The following DCLK1 variants were observed in gnomAD, a reference collection of about 807,000 sequenced individuals.
DCLK1 encodes the protein serine/threonine-protein kinase DCLK1.
A neutral mutation model predicts 86.2 loss-of-function variants in DCLK1; 16 were observed. The observed-to-expected ratio is 0.19, with a 90% CI of 0.13 to 0.28. DCLK1 has a LOEUF of 0.28. Ranked by LOEUF, DCLK1 falls within the 10% of genes least tolerant of loss-of-function variation. The pLI, the probability that DCLK1 is intolerant of heterozygous loss-of-function variation, is 1.00. For missense variants in DCLK1, 590 were observed against 940.2 expected, an observed-to-expected ratio of 0.63 and a Z score of 4.87; for synonymous variants, 369 against 370.5, an observed-to-expected ratio of 1.00 and a Z score of 0.05.
At chr13:35,795,679 G>T (rs1302123845) in intron 15 of DCLK1, among the ~76,000 whole-genome samples, 1 of 152,132 alleles carries the variant, frequency 6.6e-6, no homozygotes, top group Non-Finnish European at 1.5e-5. Flanking sequence ...TCAGCACTTT[G>T]GGAGGCCGAG....
intron 4 of DCLK1, among the ~76,000 whole-genome samples, chr13:35,893,690 G>A (rs536009567): frequency 6.6e-6 from 1 of 152,330 alleles, no homozygotes; most frequent in Admixed American, 6.5e-5. Context: ...GGAGACTAAA[G>A]CCTGCACTGT....
chr13:35,921,692 T>C (rs960402581), intron 4 of DCLK1, among the ~76,000 whole-genome samples: 8 of 152,042 alleles, frequency 5.3e-5, no homozygotes, highest in Non-Finnish European at 1.0e-4. Context: ...AAATGAAAAT[T>C]TGTTGACTGA....
intron 3 of DCLK1, among the ~76,000 whole-genome samples, chr13:35,982,437 AGGGAGGGAGGGAGGGAGG>A (rs1566631759): frequency 4.1e-4 from 10 of 24,674 alleles, no homozygotes; most frequent in East Asian, 1.3e-3. Flanking sequence ...AGAGAGGGGG[AGGGAGGGAGGGAGGGAGG>A]GAGGGAGGGA....
intron 3 of DCLK1, among the ~76,000 whole-genome samples, chr13:36,068,204 T>C (rs933177919): frequency 6.6e-6 from 1 of 152,242 alleles, no homozygotes; most frequent in African/African-American, 2.4e-5. Flanking sequence ...GTTCCTATTA[T>C]TCTGGCAGTA....
At chr13:36,087,106 T>C (rs1884635411) in intron 3 of DCLK1, among the ~76,000 whole-genome samples, 1 of 152,208 alleles carries the variant, frequency 6.6e-6, no homozygotes, top group African/African-American at 2.4e-5. Flanking sequence ...AAGCTATTTC[T>C]CCACATCCTC....
intron 11 of DCLK1, among the ~76,000 whole-genome samples, chr13:35,815,090 G>C (rs2087238804): frequency 6.6e-6 from 1 of 152,134 alleles, no homozygotes; most frequent in Admixed American, 6.5e-5. Context: ...TGTAGATTTT[G>C]GGGCACACTG....
At chr13:36,034,047 A>G (rs1882393725) in intron 3 of DCLK1, among the ~76,000 whole-genome samples, 1 of 152,206 alleles carries the variant, frequency 6.6e-6, no homozygotes, top group South Asian at 2.1e-4. Flanking sequence ...CCATAGAAAA[A>G]GCAGGAGCCA....
intron 3 of DCLK1, among the ~76,000 whole-genome samples, chr13:36,021,682 T>A (rs1324165021): frequency 1.3e-5 from 2 of 151,888 alleles, no homozygotes; most frequent in East Asian, 3.9e-4. Flanking sequence ...AAAGGGTCAA[T>A]CCATCAAGAA....
At chr13:36,014,320 G>A (rs1339661810) in intron 3 of DCLK1, among the ~76,000 whole-genome samples, 1 of 152,176 alleles carries the variant, frequency 6.6e-6, no homozygotes, top group Non-Finnish European at 1.5e-5. Flanking sequence ...TCTTGCCATT[G>A]GAAATGCTGG....
intron 4 of DCLK1, among the ~76,000 whole-genome samples, chr13:35,933,575 A>T (rs995843816): frequency 6.6e-6 from 1 of 152,194 alleles, no homozygotes; most frequent in Non-Finnish European, 1.5e-5. Context: ...GCTCAACACC[A>T]TGTGGAAGCT....
chr13:35,914,206 C>T (rs1458560100), intron 4 of DCLK1, among the ~76,000 whole-genome samples: 3 of 151,374 alleles, frequency 2.0e-5, no homozygotes, highest in African/African-American at 7.3e-5. Flanking sequence ...ATAGTCCCAG[C>T]TACTCGAGAG....
chr13:35,813,006 G>GA (rs1204331976), intron 11 of DCLK1, among the ~76,000 whole-genome samples: 1 of 152,166 alleles, frequency 6.6e-6, no homozygotes, highest in Non-Finnish European at 1.5e-5. Flanking sequence ...TTAGGCAAAA[G>GA]AAAACCCTAA....
chr13:36,062,182 T>A (rs1448217296), intron 3 of DCLK1, among the ~76,000 whole-genome samples: 3 of 152,222 alleles, frequency 2.0e-5, no homozygotes, highest in Admixed American at 2.0e-4. Flanking sequence ...GTGGCTTTGA[T>A]GTTCAAGAAA....
At chr13:36,041,536 A>G (rs1213864843) in intron 3 of DCLK1, among the ~76,000 whole-genome samples, 1 of 152,180 alleles carries the variant, frequency 6.6e-6, no homozygotes, top group Non-Finnish European at 1.5e-5. Context: ...AGGTTGTTTC[A>G]TACATTTGTA....
At chr13:35,801,905 T>C (rs1452221044) in intron 15 of DCLK1, among the ~76,000 whole-genome samples, 1 of 152,162 alleles carries the variant, frequency 6.6e-6, no homozygotes, top group Non-Finnish European at 1.5e-5. Context: ...ATAAACAAAT[T>C]TGCTCACATT....
chr13:36,120,319 A>G (rs571249745), intron 2 of DCLK1, among the ~76,000 whole-genome samples: 1 of 152,316 alleles, frequency 6.6e-6, no homozygotes, highest in East Asian at 1.9e-4. Flanking sequence ...CATGTGCCAC[A>G]ATATTTGGTT....
chr13:35,814,362 A>G (rs998455920), intron 11 of DCLK1, among the ~76,000 whole-genome samples: 4 of 152,234 alleles, frequency 2.6e-5, no homozygotes, highest in Admixed American at 6.5e-5. Flanking sequence ...TTTTTAATTA[A>G]AAGTTAGAAA....
intron 3 of DCLK1, among the ~76,000 whole-genome samples, chr13:36,005,832 G>A (rs1272825932): frequency 6.6e-6 from 1 of 152,174 alleles, no homozygotes; most frequent in Non-Finnish European, 1.5e-5. Flanking sequence ...ATACTATGCA[G>A]CCATAAAAAA....
intron 4 of DCLK1, among the ~76,000 whole-genome samples, chr13:35,911,127 C>CAAAAAAAAAAAA (rs60440999): frequency 8.2e-6 from 1 of 122,222 alleles, no homozygotes; most frequent in African/African-American, 3.2e-5. Flanking sequence ...ACTAAAAATA[C>CAAAAAAAAAAAA]AAAAAAAAAA....
Sources: gnomAD v4.1 joint callset for allele counts (sites outside exome capture counted in the v4.1 genomes callset) on GRCh38, gnomAD v4.1.1 for gene constraint, MANE v1.5 for transcripts, NCBI Gene and HGNC (gene_info 2026-07-23, HGNC 2026-07-21) for gene names.